The following NKAIN2 variants were observed in gnomAD, a reference collection of about 807,000 sequenced individuals.
The protein encoded by NKAIN2 is sodium/potassium transporting ATPase interacting 2, also known as sodium/potassium-transporting ATPase subunit beta-1-interacting protein 2.
NKAIN2 carries 14 observed loss-of-function variants against 32.6 expected under a neutral mutation model. That is an observed-to-expected ratio of 0.43 (90% CI 0.28 to 0.67). The LOEUF is 0.67. NKAIN2 is among the 30% of genes least tolerant of loss of function. The pLI is 0.17. For synonymous variants in NKAIN2, 80 were observed against 87.2 expected, an observed-to-expected ratio of 0.92 and a Z score of 0.46; for missense variants, 198 against 258.3, an observed-to-expected ratio of 0.77 and a Z score of 1.60.
At chr6:124,625,738 C>A (rs1479997303) in intron 3 of NKAIN2, among the ~76,000 whole-genome samples, 1 of 150,990 alleles carries the variant, frequency 6.6e-6, no homozygotes, top group East Asian at 1.9e-4. Context: ...ATTTTTTGGT[C>A]TTTTACAGAA....
chr6:124,006,976 A>T (rs1366868955), intron 1 of NKAIN2, among the ~76,000 whole-genome samples: 1 of 152,226 alleles, frequency 6.6e-6, no homozygotes, highest in African/African-American at 2.4e-5. Flanking sequence ...TTACTTAAGG[A>T]CAGGAGTACA....
intron 1 of NKAIN2, among the ~76,000 whole-genome samples, chr6:124,161,874 C>G (rs1788295018): frequency 6.6e-6 from 1 of 151,950 alleles, no homozygotes; most frequent in African/African-American, 2.4e-5. Flanking sequence ...ATCATTCATA[C>G]CCCAAACCTC....
chr6:124,229,489 T>TAGAAAGATAGAC (rs1792313986), intron 1 of NKAIN2, among the ~76,000 whole-genome samples: 1 of 132,628 alleles, frequency 7.5e-6, no homozygotes, highest in Non-Finnish European at 1.6e-5. Flanking sequence ...CAAAGATAGA[T>TAGAAAGATAGAC]AGATAGATAG....
intron 1 of NKAIN2, among the ~76,000 whole-genome samples, chr6:124,009,861 G>A (rs1180703502): frequency 6.6e-6 from 1 of 152,028 alleles, no homozygotes; most frequent in African/African-American, 2.4e-5. Flanking sequence ...TATGGACAAA[G>A]ACTCCCATTT....
At chr6:124,718,127 A>G (rs1034981215) in intron 4 of NKAIN2, among the ~76,000 whole-genome samples, 5 of 152,166 alleles carry the variant, frequency 3.3e-5, no homozygotes, top group Admixed American at 2.6e-4. Context: ...GGTTGAATTC[A>G]ATGATTTTTT....
chr6:124,114,804 C>G (rs1269283433), intron 1 of NKAIN2, among the ~76,000 whole-genome samples: 1 of 152,082 alleles, frequency 6.6e-6, no homozygotes, highest in Non-Finnish European at 1.5e-5. Flanking sequence ...CTGCTACATT[C>G]TTAGGGAACA....
chr6:124,168,552 T>TTG (rs58658301), intron 1 of NKAIN2, among the ~76,000 whole-genome samples: 2,624 of 149,742 alleles, frequency 0.018, 51 homozygotes, highest in African/African-American at 0.057. Flanking sequence ...CCTGTTAATT[T>TTG]TGTGTGTGTG....
intron 1 of NKAIN2, among the ~76,000 whole-genome samples, chr6:124,059,689 C>T (rs1366252202): frequency 2.6e-5 from 4 of 152,160 alleles, no homozygotes; most frequent in Admixed American, 6.6e-5. Flanking sequence ...ATCCACTGCT[C>T]TTCACATCCT....
chr6:124,210,526 C>T (rs879270193), intron 1 of NKAIN2, among the ~76,000 whole-genome samples: 13 of 151,656 alleles, frequency 8.6e-5, no homozygotes, highest in Non-Finnish European at 1.6e-4. Context: ...GTAGTATGGA[C>T]ATTTAAAAAA....
intron 1 of NKAIN2, among the ~76,000 whole-genome samples, chr6:123,871,234 G>C (rs1181306851): frequency 1.3e-5 from 2 of 151,962 alleles, no homozygotes; most frequent in East Asian, 1.9e-4. Flanking sequence ...CATATTTTTT[G>C]TTTCTCTTTG....
intron 4 of NKAIN2, among the ~76,000 whole-genome samples, chr6:124,696,967 T>C (rs1001347824): frequency 6.6e-6 from 1 of 152,066 alleles, no homozygotes; most frequent in African/African-American, 2.4e-5. Flanking sequence ...CAAAGAAAAC[T>C]AAAAGATGGA....
intron 1 of NKAIN2, among the ~76,000 whole-genome samples, chr6:124,143,731 A>G (rs1787254483): frequency 6.6e-6 from 1 of 152,216 alleles, no homozygotes; most frequent in Admixed American, 6.5e-5. Flanking sequence ...ATTGGAAAGT[A>G]GGAAATAAAA....
intron 3 of NKAIN2, among the ~76,000 whole-genome samples, chr6:124,413,184 C>A (rs191745755): frequency 6.6e-6 from 1 of 152,172 alleles, no homozygotes; most frequent in African/African-American, 2.4e-5. Context: ...CCATGTCCTG[C>A]AGCCACTGTC....
chr6:124,251,953 G>C (rs1398865961), intron 1 of NKAIN2, among the ~76,000 whole-genome samples: 1 of 151,976 alleles, frequency 6.6e-6, no homozygotes, highest in Non-Finnish European at 1.5e-5. Flanking sequence ...AAATGTTTGA[G>C]ATGATGAATA....
intron 3 of NKAIN2, among the ~76,000 whole-genome samples, chr6:124,579,710 A>G (rs1308722068): frequency 2.0e-5 from 3 of 152,252 alleles, no homozygotes; most frequent in Non-Finnish European, 2.9e-5. Context: ...AGAAAGACCA[A>G]TATTCAAATG....
chr6:124,436,109 A>G (rs1462621538), intron 3 of NKAIN2, among the ~76,000 whole-genome samples: 1 of 152,180 alleles, frequency 6.6e-6, no homozygotes, highest in Non-Finnish European at 1.5e-5. Context: ...TTTCTGCTTT[A>G]TCAGCTAACG....
At chr6:123,861,340 A>G (rs1775779397) in intron 1 of NKAIN2, among the ~76,000 whole-genome samples, 1 of 152,228 alleles carries the variant, frequency 6.6e-6, no homozygotes, top group Admixed American at 6.5e-5. Context: ...TCACAGTCTA[A>G]TATTATATTG....
At chr6:123,811,955 A>T (rs1033286132) in intron 1 of NKAIN2, among the ~76,000 whole-genome samples, 1 of 152,208 alleles carries the variant, frequency 6.6e-6, no homozygotes, top group African/African-American at 2.4e-5. Flanking sequence ...AAACAAGTCA[A>T]CATTGTTCTT....
rs534868409 is a variant in NKAIN2, at chr6:124,599,120, C to T, written c.274-59066C>T. 2.1e-3 allele frequency among the ~76,000 whole-genome samples: 318 copies of T among 151,086 alleles called. 2 individuals are homozygous for T. The highest frequency in any genetic ancestry group is 9.6e-4 in the Non-Finnish European group (65 of 67,910). ...GTGAAAACAGCCTCTTGCCAAACTG[C>T]GATCTCTTCTTGGAAAACCTAATGA... On this transcript the variant is annotated intron_variant, in intron 3 of 6. Coordinates refer to ENST00000368417, the MANE Select transcript of NKAIN2 (RefSeq NM_001040214.3).
Sources: gnomAD v4.1 joint callset for allele counts (sites outside exome capture counted in the v4.1 genomes callset) on GRCh38, gnomAD v4.1.1 for gene constraint, MANE v1.5 for transcripts, NCBI Gene and HGNC (gene_info 2026-07-23, HGNC 2026-07-21) for gene names.